The following PLEKHG5 variants were observed in gnomAD, a reference collection of about 807,000 sequenced individuals.
The protein encoded by PLEKHG5 is pleckstrin homology domain-containing family G member 5.
In PLEKHG5, 52 loss-of-function variants were observed where a neutral mutation model predicts 103.8. The ratio of observed to expected loss-of-function variants is 0.50; its 90% CI spans 0.40 to 0.63. The LOEUF is 0.63. Ranked by LOEUF, PLEKHG5 falls within the 30% of genes least tolerant of loss-of-function variation. PLEKHG5 has a pLI of 0.00. For synonymous variants in PLEKHG5, 592 were observed against 575.5 expected (o/e 1.03, Z -0.41); for missense variants, 1,205 against 1,347.6 (o/e 0.89, Z 1.66).
At position 6,471,568 on chromosome 1, in the gene PLEKHG5, C is replaced by A. The variant is rs1478500549; in HGVS notation, c.1201G>T (p.Val401Leu). ...AQLHRRLWAS[V>L]MAPVLEKARR... is the part of the protein sequence containing the mutation. ...GCCTTCTCCAGCACCGGCGCCATCACGCTAGCCCACAGCCTGCGGTGCAGC... is the reference window on the plus strand; with the variant it reads ...GCCTTCTCCAGCACCGGCGCCATCAAGCTAGCCCACAGCCTGCGGTGCAGC... The change falls in exon 12 of 21, where the codon GTG becomes TTG. Residue 401 changes from valine to leucine, a missense_variant. Coordinates refer to ENST00000377728, the MANE Select transcript of PLEKHG5 (RefSeq NM_020631.6). The A allele has an allele frequency of 6.2e-7, 1 of 1,602,868 alleles. No individual in the cohort carries two copies. Among genetic ancestry groups the A allele is most frequent in the Non-Finnish European group, 8.5e-7 (1 of 1,175,874 alleles).
rs918764005 is a variant in PLEKHG5 at position 6,491,503 on chromosome 1, C to G, written c.-88+134G>C. 1.3e-5 allele frequency: 3 copies of G among 231,424 alleles called. No homozygotes were observed. The highest frequency in any genetic ancestry group is 1.4e-5 in the Non-Finnish European group (2 of 141,252). The allele number at this position is 231,424 out of a possible 1,614,324, so 14.3% of individuals were successfully genotyped here. A position where few individuals can be genotyped will look rare whatever the true frequency, so the allele number is the denominator to read the frequency against. ...GTTTCTTCAGCTGCAGATAGCCCCA[C>G]CACCTCTCTCCGGGGACCAGTCACT... On this transcript the variant is annotated intron_variant, in intron 1 of 20. Transcript: ENST00000377728. This position sits in a 1 kb window ranked among gnomAD's most constrained non-coding sequence, Gnocchi z 4.1.
At position 6,469,528 on chromosome 1, in the gene PLEKHG5, G is replaced by A; in HGVS notation, c.1933+16C>T. The A allele has an allele frequency of 6.2e-7, 1 of 1,613,824 alleles. No homozygotes were observed. The highest frequency in any genetic ancestry group is 8.5e-7 in the Non-Finnish European group (1 of 1,180,038). ...TCACAGCCCCTGACCAGGAACAGGG[G>A]ACCAGGGCTCCTTACCAGGGTCCCG... On this transcript the variant is annotated intron_variant, in intron 17 of 20. Coordinates refer to ENST00000377728, the MANE Select transcript of PLEKHG5 (RefSeq NM_020631.6).
rs750991690 is a variant in PLEKHG5, at chr1:6,469,690, A to AG, written c.1801-15dup. ...GTACACATCCATCTGCAGTGGCAGG[A>AG]GGGGGGGTGGCCAGAGAGGCCAGCA... is the stretch of plus-strand genomic sequence containing the variant. On this transcript the variant is annotated splice_polypyrimidine_tract_variant and intron_variant, in intron 16 of 20. Transcript: ENST00000377728. 8.7e-6 allele frequency: 14 copies of AG among 1,610,084 alleles called. No homozygotes were observed. In the Admixed American group the frequency reaches 1.2e-4, roughly 13 times the overall value.
At chr1:6,492,735 C>T (rs928566978), upstream of PLEKHG5, among the ~76,000 whole-genome samples, 4 of 152,096 alleles carry the variant, frequency 2.6e-5, no homozygotes, top group African/African-American at 7.2e-5. Context: ...TCCCCAGGGT[C>T]GCACAGCTGG....
At position 6,470,562 on chromosome 1, in the gene PLEKHG5, C is replaced by T. The variant is rs1644536293; in HGVS notation, c.1624G>A (p.Val542Met). 1.9e-6 allele frequency: 3 copies of T among 1,588,628 alleles called. No individual in the cohort carries two copies. The highest frequency in any genetic ancestry group is 2.7e-5 in the African/African-American group (2 of 74,246). ...ACCTCGTAGGCGTCGATGCGGCTCACCACGGCCGCCAGCCGCTGCCGCTCC... is the reference window on the plus strand; with the variant it reads ...ACCTCGTAGGCGTCGATGCGGCTCATCACGGCCGCCAGCCGCTGCCGCTCC... ...RQERQRLAAV[V>M]SRIDAYEVVE... is the part of the protein sequence containing the mutation. Residue 542 changes from valine to methionine, a missense_variant, in exon 15 of 21, where the codon GTG becomes ATG. Val to Met is a conservative substitution (Grantham distance 21). Coordinates refer to ENST00000377728, the MANE Select transcript of PLEKHG5 (RefSeq NM_020631.6).
upstream of PLEKHG5, among the ~76,000 whole-genome samples, chr1:6,498,632 AG>A (rs1162835169): frequency 1.3e-5 from 2 of 151,964 alleles, no homozygotes; most frequent in African/African-American, 2.4e-5. Context: ...GACCCTGGGG[AG>A]GGGGCTCTCG....
upstream of PLEKHG5, among the ~76,000 whole-genome samples, chr1:6,497,937 C>T (rs1388344777): frequency 6.6e-6 from 1 of 152,178 alleles, no homozygotes; most frequent in Admixed American, 6.5e-5. This position sits in a 1 kb window ranked among gnomAD's most constrained non-coding sequence, Gnocchi z 6.1. Context: ...CACAAAATAA[C>T]CTGTGCCCAG....
intron 4 of PLEKHG5, 44 bp from the exon 5 acceptor site, chr1:6,475,182 GCCCTCATTCCCGCCCTCCTCCCCA>G (rs775375989): frequency 1.1e-5 from 12 of 1,116,168 alleles, no homozygotes; most frequent in South Asian, 1.2e-5. Context: ...TCTCCTCACC[GCCCTCATTCCCGCCCTCCTCCCCA>G]CCCTCCTTCC....
At chr1:6,511,481 C>A (rs183315097) in intron 1 of PLEKHG5, among the ~76,000 whole-genome samples, 1 of 152,222 alleles carries the variant, frequency 6.6e-6, no homozygotes, top group African/African-American at 2.4e-5. Flanking sequence ...CTGGCAAGCC[C>A]GAGAGAAACG....
At chr1:6,517,339 A>G (rs988853811) in intron 1 of PLEKHG5, among the ~76,000 whole-genome samples, 1 of 151,444 alleles carries the variant, frequency 6.6e-6, no homozygotes, top group African/African-American at 2.4e-5. Context: ...ACAACCAAGC[A>G]TATGCTGAGA....
intron 9 of PLEKHG5, among the ~76,000 whole-genome samples, 166 bp from the exon 10 acceptor site, chr1:6,472,788 C>T (rs1052411238): frequency 3.3e-5 from 5 of 152,194 alleles, no homozygotes; most frequent in Admixed American, 3.3e-4. Context: ...AGTTAAGACA[C>T]CCAAGATCTG....
At chr1:6,515,066 A>G (rs1341177034) in intron 1 of PLEKHG5, among the ~76,000 whole-genome samples, 1 of 152,132 alleles carries the variant, frequency 6.6e-6, no homozygotes, top group Non-Finnish European at 1.5e-5. Flanking sequence ...ATAAAAAAAT[A>G]AAATAAAAAG....
chr1:6,495,290 CT>C (rs1421399177), upstream of PLEKHG5, among the ~76,000 whole-genome samples: 2 of 152,360 alleles, frequency 1.3e-5, no homozygotes, highest in Admixed American at 1.3e-4. Context: ...CACCGCCCCC[CT>C]GCCTGGTGAC....
intron 1 of PLEKHG5, chr1:6,485,276 C>A (rs1645000777): frequency 2.4e-6 from 3 of 1,242,840 alleles, no homozygotes; most frequent in Non-Finnish European, 3.1e-6. Flanking sequence ...CGGCTGCAGG[C>A]GAGAACTGGG....
chr1:6,509,460 C>G (rs888989751), intron 1 of PLEKHG5, among the ~76,000 whole-genome samples: 5 of 152,360 alleles, frequency 3.3e-5, no homozygotes, highest in East Asian at 3.9e-4. Context: ...GGTCCACCCC[C>G]GCAAGGTCTC....
intron 1 of PLEKHG5, among the ~76,000 whole-genome samples, chr1:6,478,557 G>A (rs1273884478): frequency 6.6e-6 from 1 of 152,146 alleles, no homozygotes; most frequent in African/African-American, 2.4e-5. Context: ...TCTGTAAACA[G>A]GTATCAGTAT....
Position 6,473,014 on chromosome 1 carries a change from C to G in PLEKHG5, c.956G>C (p.Ser319Thr), listed in dbSNP as rs1478409796. The change falls in exon 9 of 21, where the codon AGC becomes ACC. Residue 319 changes from serine to threonine, a missense_variant. Transcript: ENST00000377728. ...ATGCCCATCAATGAGCTCCCGCCAG[C>G]TGTCCTCCAGCCTCAGGCAGGCATT... ...EDNACLRLED[S>T]WRELIDGHEK... 2 of 1,614,086 alleles carry G rather than the reference C, an allele frequency of 1.2e-6. No individual in the cohort carries two copies. Among genetic ancestry groups the G allele is most frequent in the Admixed American group, 1.7e-5 (1 of 60,030 alleles).
upstream of PLEKHG5, among the ~76,000 whole-genome samples, chr1:6,494,451 G>A (rs568029521): frequency 1.3e-5 from 2 of 151,622 alleles, no homozygotes; most frequent in Admixed American, 6.6e-5. Flanking sequence ...TTTTAGTAGA[G>A]AGAGGTCTCC....
chr1:6,470,646 A>T lies in PLEKHG5; in HGVS notation c.1543-3T>A. The stretch of plus-strand genomic sequence containing the variant: ...ATGAAGCGCTCCACGGAGCCGATCT[A>T]GGGGCAGGTGAGGGAGCTTCAGGTC... On this transcript the variant is annotated splice_region_variant and splice_polypyrimidine_tract_variant and intron_variant, in intron 14 of 20. Transcript: ENST00000377728. 1 of 1,567,976 alleles carries T rather than the reference A, an allele frequency of 6.4e-7. No individual in the cohort carries two copies.
Sources: allele counts gnomAD v4.1 joint callset (sites outside exome capture counted in the v4.1 genomes callset), GRCh38; gene constraint gnomAD v4.1.1; non-coding constraint Gnocchi (gnomAD v3.1); transcripts MANE v1.5; gene names NCBI Gene and HGNC (gene_info 2026-07-23, HGNC 2026-07-21).